PRKCE: variants seen among roughly 807,000 people sequenced by gnomAD.
PRKCE encodes the protein protein kinase C epsilon type.
Under a neutral mutation model 85.4 loss-of-function variants are expected in PRKCE, and 16 were observed. That is an observed-to-expected ratio of 0.19 (90% CI 0.13 to 0.28). PRKCE has a LOEUF of 0.28. Ranked by LOEUF, PRKCE falls within the 10% of genes least tolerant of loss-of-function variation. The pLI is 1.00. For synonymous variants in PRKCE, 388 were observed against 371.5 expected (o/e 1.04, Z -0.51); for missense variants, 573 against 975.2 (o/e 0.59, Z 5.49).
chr2:46,101,620 C>G (rs1456946001), intron 11 of PRKCE, among the ~76,000 whole-genome samples: 1 of 152,164 alleles, frequency 6.6e-6, no homozygotes, highest in Non-Finnish European at 1.5e-5. Flanking sequence ...GTGACATGAC[C>G]TCAGGTTTTA....
intron 11 of PRKCE, among the ~76,000 whole-genome samples, chr2:46,123,388 G>C (rs1481434925): frequency 2.6e-5 from 4 of 152,016 alleles, no homozygotes; most frequent in Admixed American, 1.3e-4. Context: ...GAAGTCAAAT[G>C]CAAGGGATTA....
At chr2:45,761,437 G>A (rs1243772279) in intron 1 of PRKCE, among the ~76,000 whole-genome samples, 1 of 151,530 alleles carries the variant, frequency 6.6e-6, no homozygotes, top group Non-Finnish European at 1.5e-5. Flanking sequence ...AGTATTTGCT[G>A]TGTCCCAAGC....
chr2:45,919,855 T>C (rs1698122729), intron 2 of PRKCE, among the ~76,000 whole-genome samples: 1 of 152,188 alleles, frequency 6.6e-6, no homozygotes, highest in South Asian at 2.1e-4. Context: ...GGAAAATACA[T>C]GTGCAGGACA....
At chr2:45,906,658 G>C (rs76256781) in intron 2 of PRKCE, among the ~76,000 whole-genome samples, 1 of 152,156 alleles carries the variant, frequency 6.6e-6, no homozygotes, top group South Asian at 2.1e-4. Flanking sequence ...TCTCTGCCTT[G>C]ACAGGGTGAT....
At chr2:45,677,848 G>A in intron 1 of PRKCE, 2 of 985,508 alleles carry the variant, frequency 2.0e-6, no homozygotes, top group South Asian at 9.4e-5. Context: ...AACCGCTTCA[G>A]ATGGGCAGTG....
intron 8 of PRKCE, among the ~76,000 whole-genome samples, chr2:46,005,707 C>T (rs1705129884): frequency 1.3e-5 from 2 of 152,114 alleles, no homozygotes; most frequent in South Asian, 2.1e-4. Flanking sequence ...AAAAGAGCTT[C>T]GGGGGTCATG....
intron 1 of PRKCE, among the ~76,000 whole-genome samples, chr2:45,729,731 G>A (rs1265775598): frequency 1.3e-5 from 2 of 152,214 alleles, no homozygotes; most frequent in Non-Finnish European, 2.9e-5. Context: ...GACATTGGTA[G>A]TGTAATGGAT....
At chr2:45,680,341 G>T (rs1014289623) in intron 1 of PRKCE, among the ~76,000 whole-genome samples, 2 of 152,202 alleles carry the variant, frequency 1.3e-5, no homozygotes, top group African/African-American at 2.4e-5. Flanking sequence ...GCATACAACC[G>T]CTCTGTGTGC....
At chr2:45,913,669 T>A (rs1215355582) in intron 2 of PRKCE, among the ~76,000 whole-genome samples, 1 of 152,270 alleles carries the variant, frequency 6.6e-6, no homozygotes, top group African/African-American at 2.4e-5. Flanking sequence ...AACCAGTTTT[T>A]CTGTCTATCC....
chr2:46,019,847 CTTTTT>C (rs869079304), intron 10 of PRKCE, among the ~76,000 whole-genome samples: 1 of 105,914 alleles, frequency 9.4e-6, no homozygotes, highest in African/African-American at 3.9e-5. Flanking sequence ...TTGGTTTTCT[CTTTTT>C]TTTTTTTTTT....
intron 1 of PRKCE, among the ~76,000 whole-genome samples, chr2:45,825,042 C>A (rs1022817830): frequency 6.6e-6 from 1 of 152,288 alleles, no homozygotes; most frequent in Admixed American, 6.5e-5. Flanking sequence ...AATGAGACTG[C>A]CTTTTTGTTT....
At chr2:46,112,894 T>TA (rs1672410277) in intron 11 of PRKCE, among the ~76,000 whole-genome samples, 1 of 152,146 alleles carries the variant, frequency 6.6e-6, no homozygotes, top group Admixed American at 6.5e-5. Context: ...GCTTTTTTAC[T>TA]AAAAAGAAAA....
chr2:45,815,253 A>G (rs1308843571), intron 1 of PRKCE, among the ~76,000 whole-genome samples: 3 of 152,116 alleles, frequency 2.0e-5, no homozygotes, highest in Admixed American at 2.0e-4. Context: ...ATTTTTTTTT[A>G]CAATGTTTAT....
At chr2:46,048,151 T>G (rs1041740721) in intron 10 of PRKCE, among the ~76,000 whole-genome samples, 2 of 150,424 alleles carry the variant, frequency 1.3e-5, no homozygotes, top group Admixed American at 1.3e-4. Context: ...AGTGACTTGC[T>G]TATGGGCACT....
intron 1 of PRKCE, among the ~76,000 whole-genome samples, chr2:45,680,666 T>C (rs1340238720): frequency 6.6e-6 from 1 of 152,214 alleles, no homozygotes; most frequent in Non-Finnish European, 1.5e-5. Context: ...GATGTCTTGC[T>C]GTTAAATGGT....
intron 1 of PRKCE, among the ~76,000 whole-genome samples, chr2:45,671,481 T>C (rs1246168517): frequency 6.6e-6 from 1 of 152,182 alleles, no homozygotes; most frequent in Non-Finnish European, 1.5e-5. Context: ...CCATTATCCA[T>C]TTATGCATTT....
intron 2 of PRKCE, among the ~76,000 whole-genome samples, chr2:45,968,247 T>C (rs1378666141): frequency 1.9e-5 from 1 of 54,034 alleles, no homozygotes; most frequent in Non-Finnish European, 3.3e-5. Flanking sequence ...AAAGAAAATA[T>C]TACACACACA....
intron 2 of PRKCE, among the ~76,000 whole-genome samples, chr2:45,889,305 G>A (rs531336000): frequency 6.6e-6 from 1 of 152,234 alleles, no homozygotes; most frequent in East Asian, 1.9e-4. Flanking sequence ...CTTGCAGCCA[G>A]GACAGCAAAG....
chr2:46,025,095 G>A (rs1191803594), intron 10 of PRKCE, among the ~76,000 whole-genome samples: 1 of 152,180 alleles, frequency 6.6e-6, no homozygotes, highest in East Asian at 1.9e-4. Flanking sequence ...ACAAATGTAG[G>A]TGTGATTGTT....
Sources: gnomAD v4.1 joint callset for allele counts (sites outside exome capture counted in the v4.1 genomes callset) on GRCh38, gnomAD v4.1.1 for gene constraint, MANE v1.5 for transcripts, NCBI Gene and HGNC (gene_info 2026-07-23, HGNC 2026-07-21) for gene names.